Variants in PTPRM observed in about 807,000 individuals in gnomAD.
PTPRM encodes protein tyrosine phosphatase receptor type M.
Under a neutral mutation model 186.7 loss-of-function variants are expected in PTPRM, and 47 were observed. That is an observed-to-expected ratio of 0.25 (90% CI 0.20 to 0.32). The LOEUF (loss-of-function observed/expected upper bound fraction) is 0.32. Among genes scored for constraint, PTPRM ranks in the 10% least tolerant of loss-of-function variants. The probability of loss-of-function intolerance (pLI) is 1.00; values close to 1 mark genes in which losing one functional copy is unlikely to be tolerated. For synonymous variants in PTPRM, 668 were observed against 674.9 expected, an observed-to-expected ratio of 0.99 and a Z score of 0.16; for missense variants, 1,494 against 1,865.0, an observed-to-expected ratio of 0.80 and a Z score of 3.66.
chr18:7,638,546 C>G (rs571586250), intron 1 of PTPRM, among the ~76,000 whole-genome samples: 1 of 152,126 alleles, frequency 6.6e-6, no homozygotes, highest in South Asian at 2.1e-4. Context: ...TTGTGTCTGC[C>G]CTAGTTTTTT....
chr18:8,280,760 T>G (rs1470657928), intron 19 of PTPRM, among the ~76,000 whole-genome samples: 3 of 152,124 alleles, frequency 2.0e-5, no homozygotes, highest in Non-Finnish European at 4.4e-5. Flanking sequence ...ACGTTCTTGT[T>G]CTGGAGGGAC....
At chr18:7,923,073 G>A (rs1307949801) in intron 4 of PTPRM, among the ~76,000 whole-genome samples, 1 of 152,166 alleles carries the variant, frequency 6.6e-6, no homozygotes, top group Non-Finnish European at 1.5e-5. Flanking sequence ...GACACCAGGA[G>A]TCATTACTGA....
chr18:7,711,776 T>C (rs904861514), intron 1 of PTPRM, among the ~76,000 whole-genome samples: 14 of 152,054 alleles, frequency 9.2e-5, no homozygotes, highest in Non-Finnish European at 1.9e-4. Context: ...CCAGATTGCC[T>C]CCCTAAATTC....
chr18:7,726,909 T>C (rs959951352), intron 1 of PTPRM, among the ~76,000 whole-genome samples: 3 of 152,186 alleles, frequency 2.0e-5, no homozygotes, highest in African/African-American at 7.2e-5. Context: ...TCAGAGAAAG[T>C]GCGTAAGTGA....
intron 13 of PTPRM, among the ~76,000 whole-genome samples, chr18:8,115,446 G>A (rs1861874336): frequency 6.6e-6 from 1 of 152,150 alleles, no homozygotes; most frequent in South Asian, 2.1e-4. Context: ...AGAAGCAAGT[G>A]CAGACGTGTG....
intron 1 of PTPRM, among the ~76,000 whole-genome samples, chr18:7,719,140 C>T (rs969296064): frequency 2.6e-5 from 4 of 152,054 alleles, no homozygotes; most frequent in African/African-American, 9.7e-5. Context: ...AATACAGAAC[C>T]AATATAAATG....
Position 7,780,291 on chromosome 18 carries a change from A to T in PTPRM, c.196+6020A>T, listed in dbSNP as rs536436967. 3.3e-5 allele frequency among the ~76,000 whole-genome samples: 5 copies of T among 152,328 alleles called. No homozygotes were observed. In the South Asian group the frequency reaches 1.0e-3, roughly 32 times the overall value. Reference sequence around the variant, plus strand: ...ATTATCCTCATTTTACAACATAGGAAACTGAAGTTCAGAAAAGGAATACTT... The same window carrying T: ...ATTATCCTCATTTTACAACATAGGATACTGAAGTTCAGAAAAGGAATACTT... On this transcript the variant is annotated intron_variant, in intron 2 of 32. Coordinates refer to ENST00000580170, the MANE Select transcript of PTPRM (RefSeq NM_001105244.2).
At chr18:7,804,644 A>G (rs958059150) in intron 2 of PTPRM, among the ~76,000 whole-genome samples, 3 of 152,216 alleles carry the variant, frequency 2.0e-5, no homozygotes, top group South Asian at 4.1e-4. Context: ...TCAAATTTTC[A>G]TTTAAAATCA....
At chr18:8,327,045 C>T (rs916269071) in intron 22 of PTPRM, among the ~76,000 whole-genome samples, 48 of 152,128 alleles carry the variant, frequency 3.2e-4, no homozygotes, top group African/African-American at 1.1e-3. Flanking sequence ...TATGTAAACC[C>T]CTAAATAGCT....
At chr18:7,974,537 G>A (rs1294093191) in intron 7 of PTPRM, among the ~76,000 whole-genome samples, 1 of 152,188 alleles carries the variant, frequency 6.6e-6, no homozygotes, top group Non-Finnish European at 1.5e-5. Context: ...GGCTAACAAT[G>A]AGGAAATTTA....
intron 14 of PTPRM, among the ~76,000 whole-genome samples, chr18:8,241,866 G>T (rs2147277153): frequency 6.6e-6 from 1 of 152,252 alleles, no homozygotes; most frequent in South Asian, 2.1e-4. Flanking sequence ...TTAATGTTGT[G>T]GTGTCTGCCT....
At chr18:7,976,708 G>T (rs545885055) in intron 7 of PTPRM, among the ~76,000 whole-genome samples, 1 of 152,110 alleles carries the variant, frequency 6.6e-6, no homozygotes. Context: ...CAAAATCAAG[G>T]GTTTGGGGAA....
At chr18:8,128,365 A>G (rs1486367479) in intron 13 of PTPRM, among the ~76,000 whole-genome samples, 2 of 152,204 alleles carry the variant, frequency 1.3e-5, no homozygotes, top group African/African-American at 2.4e-5. Context: ...TGTTTCAGCT[A>G]CGGAAGTTAA....
intron 19 of PTPRM, among the ~76,000 whole-genome samples, chr18:8,295,474 C>G (rs1000084841): frequency 1.3e-5 from 2 of 152,278 alleles, no homozygotes; most frequent in African/African-American, 4.8e-5. Context: ...GCCATGTTCT[C>G]TGGCCCCAAA....
rs1450171248 is a variant in PTPRM, at chr18:8,260,993, G to A, written c.2754+7579G>A. Reference sequence around the variant, plus strand: ...AGCAGGGGCAGGTGGAATCAAAGGCGCTTTGTGTTACTCAGCTGACAGAAC... The same window carrying A: ...AGCAGGGGCAGGTGGAATCAAAGGCACTTTGTGTTACTCAGCTGACAGAAC... On this transcript the variant is annotated intron_variant, in intron 19 of 32. Coordinates refer to ENST00000580170, the MANE Select transcript of PTPRM (RefSeq NM_001105244.2). Among the ~76,000 whole-genome samples the A allele has an allele frequency of 4.6e-5, 7 of 152,188 alleles. No individual in the cohort carries two copies. In the East Asian group the frequency reaches 5.8e-4, roughly 13 times the overall value.
chr18:7,846,559 G>C (rs16952578), intron 2 of PTPRM, among the ~76,000 whole-genome samples: 1 of 152,192 alleles, frequency 6.6e-6, no homozygotes, highest in African/African-American at 2.4e-5. Flanking sequence ...TTCTGTAGCC[G>C]GGAATTATGC....
chr18:8,111,561 C>A (rs2091756343), intron 11 of PTPRM, among the ~76,000 whole-genome samples: 1 of 151,236 alleles, frequency 6.6e-6, no homozygotes, highest in Non-Finnish European at 1.5e-5. Flanking sequence ...TGCAGTGAGC[C>A]AAGATCGTGC....
intron 2 of PTPRM, among the ~76,000 whole-genome samples, chr18:7,865,063 G>A (rs568405565): frequency 1.3e-5 from 2 of 152,304 alleles, no homozygotes; most frequent in African/African-American, 4.8e-5. Context: ...CTGAGACTTT[G>A]CTGAAGTTGC....
At chr18:7,885,896 G>C (rs571217227) in intron 2 of PTPRM, among the ~76,000 whole-genome samples, 1 of 152,124 alleles carries the variant, frequency 6.6e-6, no homozygotes, top group Non-Finnish European at 1.5e-5. Context: ...TGGTAGAAAG[G>C]TACCCAGTTT....
Sources: allele counts gnomAD v4.1 joint callset (sites outside exome capture counted in the v4.1 genomes callset), GRCh38; gene constraint gnomAD v4.1.1; transcripts MANE v1.5; gene names NCBI Gene and HGNC (gene_info 2026-07-23, HGNC 2026-07-21).